CDH5: variants seen among roughly 807,000 people sequenced by gnomAD.
CDH5 encodes cadherin 5, also known as cadherin-5.
A neutral mutation model predicts 62.0 loss-of-function variants in CDH5; 28 were observed. That is an observed-to-expected ratio of 0.45 (90% confidence interval 0.33 to 0.62). The LOEUF (loss-of-function observed/expected upper bound fraction) is 0.62. Ranked by LOEUF, CDH5 falls within the 20% of genes least tolerant of loss-of-function variation. The pLI is 0.02. For missense variants in CDH5, 940 were observed against 1,065.1 expected, an observed-to-expected ratio of 0.88 and a Z score of 1.63; for synonymous variants, 464 against 445.8, an observed-to-expected ratio of 1.04 and a Z score of -0.52.
chr16:66,379,587 C>T (rs1335055438), intron 2 of CDH5, 40 bp downstream of exon 2: 1 of 1,579,460 alleles, frequency 6.3e-7, no homozygotes, highest in Admixed American at 1.7e-5. Flanking sequence ...CCATCAGCAG[C>T]TGGCCCATAG....
At chr16:66,377,025 A>G (rs1367703095) in intron 1 of CDH5, among the ~76,000 whole-genome samples, 1 of 152,124 alleles carries the variant, frequency 6.6e-6, no homozygotes, top group African/African-American at 2.4e-5. Context: ...ACTTCTGTCC[A>G]TTTTACTTTG....
chr16:66,398,646 C>G, intron 10 of CDH5, 85 bp downstream of exon 10: 1 of 720,748 alleles, frequency 1.4e-6, no homozygotes, highest in Non-Finnish European at 2.5e-6. Flanking sequence ...GCAGGAAGAT[C>G]GCTTGAGCCC....
At chr16:66,386,738 C>CA (rs1266576972) in intron 2 of CDH5, 71 bp from the exon 3 acceptor site, 6 of 1,366,152 alleles carry the variant, frequency 4.4e-6, no homozygotes, top group Non-Finnish European at 6.0e-6. Context: ...TGTGTACACA[C>CA]ACTCTCACTC....
chr16:66,392,782 TCA>T lies in CDH5; in HGVS notation c.1217+400_1217+401del. Reference sequence around the variant, plus strand: ...CCCAAACCACAAAAGTAAGAAGTGTTCATTTTATACAGTGAAACAACACAGAG... The same window carrying T: ...CCCAAACCACAAAAGTAAGAAGTGTTTTTTATACAGTGAAACAACACAGAG... On this transcript the variant is annotated intron_variant, in intron 7 of 11. Transcript: ENST00000341529. 9.3e-5 allele frequency: 19 copies of T among 203,500 alleles called. No individual in the cohort carries two copies. The East Asian group carries it at 1.4e-3, about 15-fold the overall frequency. The allele number at this position is 203,500 out of a possible 1,614,324, so 12.6% of individuals were successfully genotyped here. A position where few individuals can be genotyped will look rare whatever the true frequency, so the allele number is the denominator to read the frequency against.
At chr16:66,396,345 C>T (rs1961185501) in intron 8 of CDH5, 144 bp downstream of exon 8, 4 of 936,832 alleles carry the variant, frequency 4.3e-6, no homozygotes, top group African/African-American at 1.7e-5. Flanking sequence ...CTATAGAGCT[C>T]CCATGCCCAA....
At chr16:66,379,199 G>A (rs1476077209) in intron 1 of CDH5, 120 bp from the exon 2 acceptor site, 1 of 737,468 alleles carries the variant, frequency 1.4e-6, no homozygotes, top group African/African-American at 1.8e-5. Context: ...ATTACCCGCA[G>A]ATTGTGTTTG....
intron 7 of CDH5, 66 bp downstream of exon 7, chr16:66,392,449 GT>G: frequency 1.3e-6 from 2 of 1,591,270 alleles, no homozygotes; most frequent in Non-Finnish European, 1.7e-6. Flanking sequence ...ATGCCTGCTG[GT>G]CTGAGGCCAG....
At chr16:66,391,643 G>A (rs980730431) in intron 6 of CDH5, among the ~76,000 whole-genome samples, 2 of 152,106 alleles carry the variant, frequency 1.3e-5, no homozygotes, top group African/African-American at 4.8e-5. Context: ...CGTGGTGGCA[G>A]GTGCCTGTAA....
In CDH5 at chr16:66,369,312, C is replaced by A. The variant is rs186875442; in HGVS notation, c.-20+2554C>A. Among the ~76,000 whole-genome samples, 109 of 152,268 alleles carry A rather than the reference C, an allele frequency of 7.2e-4. 1 individual carries two copies. Among genetic ancestry groups the A allele is most frequent in the Non-Finnish European group, 1.3e-3 (91 of 68,026 alleles). On this transcript the variant is annotated intron_variant, in intron 1 of 11. Coordinates refer to ENST00000341529, the MANE Select transcript of CDH5 (RefSeq NM_001795.5). ...GAAATGAGGTCAAGCGTAAGTTGGCCAGTCAAAGCCACACCCACCAGGCTG... is the reference window on the plus strand; with the variant it reads ...GAAATGAGGTCAAGCGTAAGTTGGCAAGTCAAAGCCACACCCACCAGGCTG...
At chr16:66,380,505 G>A (rs1259474296) in intron 2 of CDH5, among the ~76,000 whole-genome samples, 1 of 151,756 alleles carries the variant, frequency 6.6e-6, no homozygotes, top group Non-Finnish European at 1.5e-5. Flanking sequence ...TGATGGCGGT[G>A]ATGATAAAGG....
intron 6 of CDH5, among the ~76,000 whole-genome samples, chr16:66,391,326 T>C (rs1453670403): frequency 6.6e-6 from 1 of 152,026 alleles, no homozygotes; most frequent in African/African-American, 2.4e-5. Context: ...GTGTAAGTGA[T>C]ACACAGCAGC....
Position 66,392,351 on chromosome 16 carries a change from C to T in CDH5, c.1185C>T (p.Ala395=), listed in dbSNP as rs1234943869. The change falls in exon 7 of 12, where the codon GCC becomes GCT. Residue 395 remains alanine (A), a synonymous_variant. Transcript: ENST00000341529. ...AGCCTCTGATTGGCACAGTGCTGGC[C>T]ATGGACCCTGATGCGGCTAGGCATA... The part of the protein sequence containing the change: ...QKKPLIGTVL[A]MDPDAARHSI... 1.2e-6 allele frequency: 2 copies of T among 1,614,026 alleles called. No homozygotes were observed.
intron 8 of CDH5, among the ~76,000 whole-genome samples, chr16:66,397,737 G>A (rs1029665951): frequency 4.6e-5 from 7 of 151,800 alleles, no homozygotes; most frequent in Non-Finnish European, 7.4e-5. Flanking sequence ...TTTTTTTAAT[G>A]CACTTAGGTG....
chr16:66,394,812 CA>C (rs934608929), intron 7 of CDH5, among the ~76,000 whole-genome samples: 6 of 91,052 alleles, frequency 6.6e-5, no homozygotes, highest in South Asian at 3.4e-4. Flanking sequence ...AGTAAGTTTT[CA>C]AAAAAAAATT....
chr16:66,402,917 G>T lies in CDH5; in HGVS notation c.2103G>T (p.Gly701=), dbSNP rs1300398339. The part of the protein sequence containing the change: ...PPRHAPGAHG[G]PGEMAAMIEV... ...GGCACGCGCCTGGGGCACACGGAGG[G>T]CCCGGGGAGATGGCAGCCATGATCG... The change falls in exon 12 of 12, where the codon GGG becomes GGT. Residue 701 remains glycine (G), a synonymous_variant. Coordinates refer to ENST00000341529, the MANE Select transcript of CDH5 (RefSeq NM_001795.5). The T allele has an allele frequency of 2.5e-6, 4 of 1,611,726 alleles. No individual in the cohort carries two copies. The African/African-American group carries it at 5.3e-5, about 22-fold the overall frequency.
intron 10 of CDH5, 106 bp from the exon 11 acceptor site, chr16:66,400,665 C>T: frequency 1.5e-6 from 2 of 1,367,872 alleles, no homozygotes; most frequent in Non-Finnish European, 2.1e-6. Flanking sequence ...AAAAGCAGCC[C>T]AGGGAGCACG....
intron 10 of CDH5, among the ~76,000 whole-genome samples, chr16:66,399,690 A>T (rs1961247968): frequency 6.6e-6 from 1 of 152,172 alleles, no homozygotes; most frequent in African/African-American, 2.4e-5. Context: ...CAGAGTGGGG[A>T]TCTGCAATAC....
Position 66,392,424 on chromosome 16 carries a change from G to A in CDH5, c.1217+41G>A, listed in dbSNP as rs375565795. The A allele has an allele frequency of 3.5e-5, 56 of 1,608,538 alleles. 1 individual carries two copies. Among genetic ancestry groups the A allele is most frequent in the South Asian group, 2.3e-4 (21 of 90,776 alleles). ...TCGATGAGAATGATAAGGACAATCC[G>A]GCCTGGATGTTCCTATGCCTGCTGG... is the stretch of plus-strand genomic sequence containing the variant. On this transcript the variant is annotated intron_variant, in intron 7 of 11. Transcript: ENST00000341529.
intron 1 of CDH5, chr16:66,377,869 C>G (rs1311800808): frequency 6.6e-6 from 1 of 152,264 alleles, no homozygotes; most frequent in Admixed American, 6.5e-5. Context: ...GAAGCCAGGC[C>G]TTGATCTCTG....
Sources: gnomAD v4.1 joint callset for allele counts (sites outside exome capture counted in the v4.1 genomes callset) on GRCh38, gnomAD v4.1.1 for gene constraint, MANE v1.5 for transcripts, NCBI Gene and HGNC (gene_info 2026-07-23, HGNC 2026-07-21) for gene names.